Variants in TM9SF3 observed in about 807,000 individuals in gnomAD.
The protein encoded by TM9SF3 is SM-11044-binding protein.
A neutral mutation model predicts 78.6 loss-of-function variants in TM9SF3; 14 were observed. The observed-to-expected ratio is 0.18, with a 90% CI of 0.12 to 0.28. TM9SF3 has a LOEUF of 0.28. Among genes scored for constraint, TM9SF3 ranks in the 10% least tolerant of loss-of-function variants. The pLI is 1.00. For synonymous variants in TM9SF3, 231 were observed against 241.7 expected (o/e 0.96, Z 0.41); for missense variants, 496 against 721.9 (o/e 0.69, Z 3.59).
intron 7 of TM9SF3, among the ~76,000 whole-genome samples, chr10:96,548,235 T>A (rs2134141523): frequency 6.6e-6 from 1 of 152,302 alleles, no homozygotes; most frequent in Non-Finnish European, 1.5e-5. Context: ...TTATGATATA[T>A]TCTAAGCAAG....
intron 1 of TM9SF3, among the ~76,000 whole-genome samples, chr10:96,585,210 C>A (rs7086062): frequency 0.02 from 3,064 of 152,122 alleles, 113 homozygotes; most frequent in African/African-American, 0.07. Context: ...ATTGAGAGTT[C>A]TGAGTTTCAT....
chr10:96,548,905 G>A (rs1208546614), intron 7 of TM9SF3, among the ~76,000 whole-genome samples: 1 of 151,896 alleles, frequency 6.6e-6, no homozygotes, highest in Non-Finnish European at 1.5e-5. Flanking sequence ...TATTCTATGG[G>A]CATTCCCTCC....
chr10:96,544,821 A>G (rs1011943899), intron 8 of TM9SF3, among the ~76,000 whole-genome samples: 23 of 152,084 alleles, frequency 1.5e-4, no homozygotes, highest in African/African-American at 5.3e-4. Flanking sequence ...ACCCTAAGAC[A>G]GGGCAAAAAA....
At chr10:96,533,250 T>C in intron 9 of TM9SF3, 60 bp from the exon 10 acceptor site, 1 of 1,529,720 alleles carries the variant, frequency 6.5e-7, no homozygotes, top group Middle Eastern at 1.7e-4. Flanking sequence ...TATAAACAAA[T>C]AAAAGAGACA....
intron 2 of TM9SF3, among the ~76,000 whole-genome samples, chr10:96,575,192 CTT>C (rs988478187): frequency 2.6e-5 from 4 of 152,130 alleles, no homozygotes; most frequent in Non-Finnish European, 5.9e-5. Flanking sequence ...CCTATTCTCT[CTT>C]GTTGGTTCCT....
chr10:96,539,302 G>GGATTGCTTGA (rs71034383), intron 9 of TM9SF3, among the ~76,000 whole-genome samples: 1 of 152,140 alleles, frequency 6.6e-6, no homozygotes, highest in Non-Finnish European at 1.5e-5. Flanking sequence ...GAAACTGTTT[G>GGATTGCTTGA]AGCCGAGACT....
Position 96,522,237 on chromosome 10 carries a change from CCA to C in TM9SF3, c.*24_*25del, listed in dbSNP as rs1382947149. The C allele has an allele frequency of 6.3e-7, 1 of 1,589,194 alleles. No homozygotes were observed. Among genetic ancestry groups the C allele is most frequent in the African/African-American group, 1.4e-5 (1 of 73,056 alleles). On this transcript the variant is annotated 3_prime_UTR_variant, in exon 15 of 15. Coordinates refer to ENST00000371142, the MANE Select transcript of TM9SF3 (RefSeq NM_020123.4). The stretch of plus-strand genomic sequence containing the variant: ...CCACCCCTATGAAAAAGAAATTGAT[CCA>C]AAGTTCCAGGTTTTCTTGGGTCTCT...
chr10:96,549,099 C>T (rs1018920409), intron 7 of TM9SF3, among the ~76,000 whole-genome samples: 34 of 152,164 alleles, frequency 2.2e-4, no homozygotes, highest in Admixed American at 5.9e-4. Flanking sequence ...GCAGCACTAA[C>T]AAGCTTACTC....
intron 5 of TM9SF3, among the ~76,000 whole-genome samples, chr10:96,555,943 T>C (rs1437323506): frequency 6.6e-6 from 1 of 152,200 alleles, no homozygotes; most frequent in Non-Finnish European, 1.5e-5. Context: ...AAGTTTTATA[T>C]AGTTACTAGT....
At position 96,578,179 on chromosome 10, in the gene TM9SF3, T is replaced by G. The variant is rs188193782; in HGVS notation, c.103-1350A>C. On this transcript the variant is annotated intron_variant, in intron 1 of 14. Transcript: ENST00000371142. The stretch of plus-strand genomic sequence containing the variant: ...GACCCAGTCATTTCATTTTCAAACA[T>G]AAATGCCTCACTGTTCATATAAGAC... 2.4e-4 allele frequency among the ~76,000 whole-genome samples: 36 copies of G among 152,300 alleles called. No individual in the cohort carries two copies. In the East Asian group the frequency reaches 6.2e-3, roughly 26 times the overall value.
At chr10:96,536,389 C>A (rs1173933669) in intron 9 of TM9SF3, among the ~76,000 whole-genome samples, 2 of 151,968 alleles carry the variant, frequency 1.3e-5, no homozygotes, top group African/African-American at 2.4e-5. Flanking sequence ...ATTTGATAAT[C>A]TATTTTTTTA....
intron 2 of TM9SF3, among the ~76,000 whole-genome samples, chr10:96,570,324 A>T (rs1458382263): frequency 1.3e-5 from 2 of 152,238 alleles, no homozygotes; most frequent in Non-Finnish European, 2.9e-5. Context: ...AGAAGGACTG[A>T]AGAAAATACA....
In TM9SF3 at chr10:96,522,077, AGCAG is replaced by A; in HGVS notation, c.*182_*185del. On this transcript the variant is annotated 3_prime_UTR_variant, in exon 15 of 15. Transcript: ENST00000371142. ...GCATTTGCTGTGAACAGTTGGAGAA[AGCAG>A]TCAGGAAGAACCTAGGATCAATGGA... The A allele has an allele frequency of 1.7e-6, 1 of 592,670 alleles. No homozygotes were observed. Among genetic ancestry groups the A allele is most frequent in the Non-Finnish European group, 3.0e-6 (1 of 337,466 alleles). The allele number at this position is 592,670 out of a possible 1,614,324, so 36.7% of individuals were successfully genotyped here.
rs565954561 is a variant in TM9SF3 at position 96,550,731 on chromosome 10, A to G, written c.959+514T>C. On this transcript the variant is annotated intron_variant, in intron 7 of 14. Coordinates refer to ENST00000371142, the MANE Select transcript of TM9SF3 (RefSeq NM_020123.4). ...CAAAACTTGTGTCAAGATAGGATGCATACTGACCTAGGAGTTTTTTTTTCA... is the reference window on the plus strand; with the variant it reads ...CAAAACTTGTGTCAAGATAGGATGCGTACTGACCTAGGAGTTTTTTTTTCA... Among the ~76,000 whole-genome samples, 3 of 152,354 alleles carry G rather than the reference A, an allele frequency of 2.0e-5. No homozygotes were observed. The East Asian group carries it at 5.8e-4, about 29-fold the overall frequency.
In TM9SF3 at chr10:96,520,847, TGGA is replaced by T; in HGVS notation, c.*1413_*1415del. On this transcript the variant is annotated 3_prime_UTR_variant, in exon 15 of 15. Transcript: ENST00000371142. ...TGGATAATCTAGATGTAAGCAAGTC[TGGA>T]GATTTTAAAATACGGGTCCCCTGTA... 2.5e-6 allele frequency: 1 copy of T among 396,782 alleles called. No individual in the cohort carries two copies. The highest frequency in any genetic ancestry group is 4.5e-6 in the Non-Finnish European group (1 of 224,554). The allele number at this position is 396,782 out of a possible 1,614,324, so 24.6% of individuals were successfully genotyped here. A position where few individuals can be genotyped will look rare whatever the true frequency, so the allele number is the denominator to read the frequency against.
intron 2 of TM9SF3, among the ~76,000 whole-genome samples, chr10:96,565,705 T>G (rs979573390): frequency 2.0e-5 from 3 of 152,050 alleles, no homozygotes; most frequent in Non-Finnish European, 4.4e-5. Flanking sequence ...ACAAGAAAAT[T>G]TATAAAGTAA....
In TM9SF3 at chr10:96,518,358, T is replaced by C. The variant is rs3689; in HGVS notation, c.*3905A>G. The stretch of plus-strand genomic sequence containing the variant: ...GGACTTACACATTCAAGTTTGACAG[T>C]TGAAAAACCAACTGGAGCTGCTTTT... On this transcript the variant is annotated 3_prime_UTR_variant, in exon 15 of 15. Transcript: ENST00000371142. 0.2 allele frequency: 31,118 copies of C among 152,022 alleles called. 3,538 individuals carry two copies. Among genetic ancestry groups the C allele is most frequent in the Admixed American group, 0.3 (4,630 of 15,270 alleles). 9.4% of individuals were successfully genotyped at this position (152,022 alleles called of 1,614,324 possible). A position where few individuals can be genotyped will look rare whatever the true frequency, so the allele number is the denominator to read the frequency against.
At position 96,521,984 on chromosome 10, in the gene TM9SF3, T is replaced by A; in HGVS notation, c.*279A>T. 2.6e-6 allele frequency: 1 copy of A among 379,066 alleles called. No individual in the cohort carries two copies. The highest frequency in any genetic ancestry group is 3.4e-5 in the South Asian group (1 of 29,670). 23.5% of individuals were successfully genotyped at this position (379,066 alleles called of 1,614,324 possible). On this transcript the variant is annotated 3_prime_UTR_variant, in exon 15 of 15. Coordinates refer to ENST00000371142, the MANE Select transcript of TM9SF3 (RefSeq NM_020123.4). ...CACTGAAGAGAGCTGGTCTATTTCA[T>A]CTTTAATGAGCTAGTTTTTGGGAAG...
chr10:96,528,875 T>C (rs1445821593), intron 11 of TM9SF3, among the ~76,000 whole-genome samples: 2 of 152,144 alleles, frequency 1.3e-5, no homozygotes, highest in Non-Finnish European at 2.9e-5. Flanking sequence ...TGTTATGGTG[T>C]TGGGACCTCA....
Sources: gnomAD v4.1 joint callset for allele counts (sites outside exome capture counted in the v4.1 genomes callset) on GRCh38, gnomAD v4.1.1 for gene constraint, MANE v1.5 for transcripts, NCBI Gene and HGNC (gene_info 2026-07-23, HGNC 2026-07-21) for gene names.